GALNT5: variants seen among roughly 807,000 people sequenced by gnomAD.
GALNT5 encodes the protein UDP-GalNAc:polypeptide N-acetylgalactosaminyltransferase 5.
In GALNT5, 72 loss-of-function variants were observed where a neutral mutation model predicts 85.4. The ratio of observed to expected loss-of-function variants is 0.84; its 90% confidence interval spans 0.70 to 1.03. The LOEUF (loss-of-function observed/expected upper bound fraction) is 1.03, where lower values mean the gene tolerates loss of function less well. GALNT5 is among the 50% of genes least tolerant of loss of function. GALNT5 has a pLI of 0.00. For missense variants in GALNT5, 1,137 were observed against 1,135.5 expected (o/e 1.00, Z -0.02); for synonymous variants, 404 against 397.0 (o/e 1.02, Z -0.21).
intron 4 of GALNT5, 102 bp from the exon 5 acceptor site, chr2:157,296,292 A>T: frequency 1.2e-6 from 1 of 862,906 alleles, no homozygotes. Context: ...CATCAAAAGC[A>T]CTTGTTTCAT....
At chr2:157,308,844 G>A (rs745948947) in intron 9 of GALNT5, 116 bp downstream of exon 9, 16 of 747,900 alleles carry the variant, frequency 2.1e-5, no homozygotes, top group Non-Finnish European at 3.2e-5. Flanking sequence ...TGTGACCATG[G>A]GATTATGTAA....
At chr2:157,261,789 C>A (rs1430562924) in intron 1 of GALNT5, among the ~76,000 whole-genome samples, 1 of 152,072 alleles carries the variant, frequency 6.6e-6, no homozygotes, top group Non-Finnish European at 1.5e-5. Flanking sequence ...ACATTTGATT[C>A]ATCAGTTTGG....
Sources: gnomAD v4.1 joint callset for allele counts (sites outside exome capture counted in the v4.1 genomes callset) on GRCh38, gnomAD v4.1.1 for gene constraint, MANE v1.5 for transcripts, NCBI Gene and HGNC (gene_info 2026-07-23, HGNC 2026-07-21) for gene names.